The following PIP4K2A variants were observed in gnomAD, a reference collection of about 807,000 sequenced individuals.
PIP4K2A encodes phosphatidylinositol-5-phosphate 4-kinase type 2 alpha.
A neutral mutation model predicts 42.9 loss-of-function variants in PIP4K2A; 14 were observed. The ratio of observed to expected loss-of-function variants is 0.33; its 90% confidence interval spans 0.22 to 0.51. The LOEUF (loss-of-function observed/expected upper bound fraction) is 0.51. Among genes scored for constraint, PIP4K2A ranks in the 20% least tolerant of loss-of-function variants. The probability of loss-of-function intolerance (pLI) is 0.97; values close to 1 mark genes in which losing one functional copy is unlikely to be tolerated. For missense variants in PIP4K2A, 434 were observed against 519.8 expected (o/e 0.83, Z 1.61); for synonymous variants, 192 against 192.2 (o/e 1.00, Z 0.01).
intron 5 of PIP4K2A, among the ~76,000 whole-genome samples, chr10:22,572,119 G>T (rs954389650): frequency 1.3e-5 from 2 of 152,252 alleles, no homozygotes; most frequent in South Asian, 4.2e-4. Context: ...TGAAAGCGTT[G>T]AGACCAAAAA....
intron 4 of PIP4K2A, among the ~76,000 whole-genome samples, chr10:22,587,246 A>G (rs1009012515): frequency 6.6e-6 from 1 of 152,222 alleles, no homozygotes; most frequent in Non-Finnish European, 1.5e-5. Context: ...AAAAGAAAAA[A>G]AAAAGGGCTG....
intron 1 of PIP4K2A, among the ~76,000 whole-genome samples, chr10:22,660,042 T>A (rs543280476): frequency 6.6e-6 from 1 of 152,186 alleles, no homozygotes; most frequent in East Asian, 1.9e-4. Flanking sequence ...CCCCACAAAC[T>A]TTGATTGTTT....
At chr10:22,658,787 T>C (rs1419136525) in intron 1 of PIP4K2A, among the ~76,000 whole-genome samples, 1 of 152,242 alleles carries the variant, frequency 6.6e-6, no homozygotes, top group African/African-American at 2.4e-5. Flanking sequence ...TGCAGAGCAA[T>C]TCCATTGGTG....
At chr10:22,713,291 C>T (rs892723879) in intron 1 of PIP4K2A, among the ~76,000 whole-genome samples, 1 of 152,210 alleles carries the variant, frequency 6.6e-6, no homozygotes, top group East Asian at 1.9e-4. Context: ...GTGACGCTAA[C>T]CTTTCCACGC....
At chr10:22,666,494 G>T (rs765834690) in intron 1 of PIP4K2A, among the ~76,000 whole-genome samples, 13 of 152,062 alleles carry the variant, frequency 8.5e-5, no homozygotes. Context: ...AAAAATTATC[G>T]ATCCCAAAAG....
intron 1 of PIP4K2A, among the ~76,000 whole-genome samples, chr10:22,621,765 C>A (rs1838335866): frequency 1.3e-5 from 2 of 152,256 alleles, no homozygotes; most frequent in East Asian, 3.8e-4. Context: ...ATGGCATGTA[C>A]AGTTCAGCAT....
rs574781538 is a variant in PIP4K2A, at chr10:22,542,833, G to C, written c.793-786C>G. 2.6e-5 allele frequency among the ~76,000 whole-genome samples: 4 copies of C among 152,200 alleles called. No individual in the cohort carries two copies. The East Asian group carries it at 7.7e-4, about 29-fold the overall frequency. ...CATAAGATGTGGATGGTTGTGCTGA[G>C]TGCAAACAGTGGCAGCCCATCTGCG... On this transcript the variant is annotated intron_variant, in intron 7 of 9. Coordinates refer to ENST00000376573, the MANE Select transcript of PIP4K2A (RefSeq NM_005028.5).
intron 1 of PIP4K2A, among the ~76,000 whole-genome samples, chr10:22,660,620 C>T (rs1379399564): frequency 1.3e-5 from 2 of 152,108 alleles, no homozygotes; most frequent in Non-Finnish European, 2.9e-5. Context: ...ACAGCCCTAT[C>T]TCACTTTGCA....
intron 7 of PIP4K2A, among the ~76,000 whole-genome samples, chr10:22,545,279 G>A (rs550325065): frequency 6.6e-5 from 10 of 152,240 alleles, no homozygotes; most frequent in Non-Finnish European, 1.3e-4. Flanking sequence ...GCTCTGCAAA[G>A]GAAGCGCAAG....
chr10:22,624,255 T>C (rs1294750778), intron 1 of PIP4K2A, among the ~76,000 whole-genome samples: 1 of 152,204 alleles, frequency 6.6e-6, no homozygotes, highest in African/African-American at 2.4e-5. Context: ...AACCACATAT[T>C]ACTGGAGAAG....
chr10:22,577,148 C>T (rs976687044), intron 4 of PIP4K2A, among the ~76,000 whole-genome samples: 2 of 151,742 alleles, frequency 1.3e-5, no homozygotes, highest in Non-Finnish European at 2.9e-5. Flanking sequence ...CCATCATATG[C>T]CTGGTACCAT....
chr10:22,655,613 C>T (rs1158307299), intron 1 of PIP4K2A, among the ~76,000 whole-genome samples: 1 of 152,214 alleles, frequency 6.6e-6, no homozygotes, highest in African/African-American at 2.4e-5. Flanking sequence ...TGGCTGAACT[C>T]ATCCTGTAAA....
chr10:22,656,099 C>G (rs985913134), intron 1 of PIP4K2A, among the ~76,000 whole-genome samples: 1 of 152,204 alleles, frequency 6.6e-6, no homozygotes, highest in Non-Finnish European at 1.5e-5. Context: ...CTCTCAACTC[C>G]TATGGCACAT....
chr10:22,621,906 C>T lies in PIP4K2A; in HGVS notation c.145-12189G>A, dbSNP rs1367152613. The stretch of plus-strand genomic sequence containing the variant: ...CTTTCCATGACCACAACAGAGGGGC[C>T]GCCTGCTTTCCTGCCCAGCATCCAT... On this transcript the variant is annotated intron_variant, in intron 1 of 9. Coordinates refer to ENST00000376573, the MANE Select transcript of PIP4K2A (RefSeq NM_005028.5). Among the ~76,000 whole-genome samples, 7 of 152,146 alleles carry T rather than the reference C, an allele frequency of 4.6e-5. No homozygotes were observed. The East Asian group carries it at 9.6e-4, about 21-fold the overall frequency.
At position 22,712,944 on chromosome 10, in the gene PIP4K2A, G is replaced by C. The variant is rs150361727; in HGVS notation, c.144+1239C>G. ...TGTGTGTGTGTGTGTGTGTGTGTCT[G>C]TGTGTGTGTTTTCCGAAAAACCAGC... On this transcript the variant is annotated intron_variant, in intron 1 of 9. Transcript: ENST00000376573. Among the ~76,000 whole-genome samples the C allele has an allele frequency of 5.3e-3, 788 of 147,508 alleles. 10 individuals carry two copies. The highest frequency in any genetic ancestry group is 0.018 in the African/African-American group (740 of 40,406).
At chr10:22,665,723 G>C (rs1839335602) in intron 1 of PIP4K2A, among the ~76,000 whole-genome samples, 1 of 151,310 alleles carries the variant, frequency 6.6e-6, no homozygotes, top group South Asian at 2.1e-4. Flanking sequence ...AAAGTGCTGG[G>C]ATTACAGATG....
chr10:22,544,839 T>C (rs1836222463), intron 7 of PIP4K2A, among the ~76,000 whole-genome samples: 1 of 152,222 alleles, frequency 6.6e-6, no homozygotes, highest in South Asian at 2.1e-4. Context: ...CTTCCTGGGC[T>C]TCTCTGGGGG....
rs147680836 is a variant in PIP4K2A, at chr10:22,699,208, T to C, written c.144+14975A>G. On this transcript the variant is annotated intron_variant, in intron 1 of 9. Coordinates refer to ENST00000376573, the MANE Select transcript of PIP4K2A (RefSeq NM_005028.5). ...AATATCTGTTTCCCAACAGTTCTTC[T>C]GATGCCAAAGCATTTAACTTTCCAT... Among the ~76,000 whole-genome samples the C allele has an allele frequency of 1.2e-3, 176 of 152,342 alleles. 1 individual carries two copies. Among genetic ancestry groups the C allele is most frequent in the African/African-American group, 3.8e-3 (160 of 41,576 alleles).
Position 22,631,439 on chromosome 10 carries a change from AG to A in PIP4K2A, c.145-21723del, listed in dbSNP as rs576301334. 4.5e-3 allele frequency among the ~76,000 whole-genome samples: 682 copies of A among 152,290 alleles called. 5 individuals are homozygous for A. Among genetic ancestry groups the A allele is most frequent in the Middle Eastern group, 0.02 (6 of 294 alleles). ...CCCACCATGTGAGGACAGGGGCAGA[AG>A]GTGGTCATCTGCAGGCCAGAAAGAG... On this transcript the variant is annotated intron_variant, in intron 1 of 9. Coordinates refer to ENST00000376573, the MANE Select transcript of PIP4K2A (RefSeq NM_005028.5).
Sources: gnomAD v4.1 joint callset for allele counts (sites outside exome capture counted in the v4.1 genomes callset) on GRCh38, gnomAD v4.1.1 for gene constraint, MANE v1.5 for transcripts, NCBI Gene and HGNC (gene_info 2026-07-23, HGNC 2026-07-21) for gene names.